The following PTPRT variants were observed in gnomAD, a reference collection of about 807,000 sequenced individuals.
PTPRT encodes receptor-type tyrosine-protein phosphatase T.
Under a neutral mutation model 176.8 loss-of-function variants are expected in PTPRT, and 56 were observed. That is an observed-to-expected ratio of 0.32 (90% CI 0.26 to 0.40). The LOEUF is 0.40. PTPRT is among the 10% of genes least tolerant of loss of function. The pLI is 1.00. For synonymous variants in PTPRT, 783 were observed against 739.0 expected, an observed-to-expected ratio of 1.06 and a Z score of -0.96; for missense variants, 1,540 against 1,908.2, an observed-to-expected ratio of 0.81 and a Z score of 3.60.
chr20:42,273,857 T>C (rs565285263), intron 13 of PTPRT, among the ~76,000 whole-genome samples: 30 of 152,236 alleles, frequency 2.0e-4, no homozygotes, highest in African/African-American at 3.4e-4. Flanking sequence ...GTTAAAGCCT[T>C]AGTTGGGTTG....
At chr20:42,763,463 TA>T (rs574383259) in intron 5 of PTPRT, among the ~76,000 whole-genome samples, 8 of 150,878 alleles carry the variant, frequency 5.3e-5, no homozygotes, top group South Asian at 2.1e-4. Context: ...ATCAAAATAA[TA>T]AAAAAAAATG....
intron 6 of PTPRT, among the ~76,000 whole-genome samples, chr20:42,736,761 G>A (rs2076546924): frequency 6.6e-6 from 1 of 152,186 alleles, no homozygotes; most frequent in African/African-American, 2.4e-5. Context: ...GGCAGGGGAA[G>A]GGGGCAGGCT....
intron 2 of PTPRT, among the ~76,000 whole-genome samples, chr20:42,859,586 A>ATTTTT (rs374358348): frequency 4.7e-5 from 6 of 127,660 alleles, no homozygotes; most frequent in African/African-American, 1.8e-4. Context: ...TTTTTTTTTA[A>ATTTTT]TTTTTTTTTT....
chr20:42,940,517 G>GAAGT (rs1980472782), intron 1 of PTPRT, among the ~76,000 whole-genome samples: 1 of 152,206 alleles, frequency 6.6e-6, no homozygotes, highest in Admixed American at 6.5e-5. Context: ...AATCAGAGAT[G>GAAGT]AAGTTGAAGA....
intron 6 of PTPRT, among the ~76,000 whole-genome samples, chr20:42,701,913 C>G (rs1012378458): frequency 6.6e-6 from 1 of 152,086 alleles, no homozygotes; most frequent in African/African-American, 2.4e-5. Context: ...TTTACAGATA[C>G]GAGCACTGAG....
intron 1 of PTPRT, among the ~76,000 whole-genome samples, chr20:43,182,917 C>T (rs991817605): frequency 6.6e-6 from 1 of 152,194 alleles, no homozygotes; most frequent in Non-Finnish European, 1.5e-5. Context: ...TAAATCTCTA[C>T]ATCCTTAGCT....
At chr20:42,346,464 C>G (rs1428762467) in intron 11 of PTPRT, among the ~76,000 whole-genome samples, 2 of 152,180 alleles carry the variant, frequency 1.3e-5, no homozygotes, top group African/African-American at 2.4e-5. Flanking sequence ...ATCTTTTAAG[C>G]AATTCTGGGA....
At chr20:42,916,947 C>T (rs1287353026) in intron 1 of PTPRT, among the ~76,000 whole-genome samples, 36 of 152,304 alleles carry the variant, frequency 2.4e-4, no homozygotes, top group Admixed American at 1.3e-4. Context: ...TTTTGCTGTG[C>T]AGAAGCTCTT....
chr20:42,313,641 A>C (rs1600820636), intron 12 of PTPRT, among the ~76,000 whole-genome samples: 1 of 152,338 alleles, frequency 6.6e-6, no homozygotes, highest in East Asian at 1.9e-4. Context: ...TGCCAAGAGC[A>C]GGGAAAGCCA....
At chr20:42,111,803 A>G (rs1467303156) in intron 22 of PTPRT, among the ~76,000 whole-genome samples, 3 of 152,218 alleles carry the variant, frequency 2.0e-5, no homozygotes, top group Non-Finnish European at 2.9e-5. Context: ...GTCTGTCTCC[A>G]CAGTCTGCAC....
At chr20:42,993,603 C>T (rs1269496945) in intron 1 of PTPRT, among the ~76,000 whole-genome samples, 2 of 140,682 alleles carry the variant, frequency 1.4e-5, no homozygotes, top group East Asian at 4.0e-4. Context: ...AACTAAAACT[C>T]ATTTGGGCCT....
intron 1 of PTPRT, among the ~76,000 whole-genome samples, chr20:43,141,494 G>A (rs1450850649): frequency 6.6e-6 from 1 of 152,174 alleles, no homozygotes; most frequent in African/African-American, 2.4e-5. Flanking sequence ...GGAATAGCAA[G>A]TAAACAAGCC....
At chr20:42,307,592 G>A (rs947339900) in intron 12 of PTPRT, among the ~76,000 whole-genome samples, 5 of 151,998 alleles carry the variant, frequency 3.3e-5, no homozygotes, top group Non-Finnish European at 4.4e-5. Context: ...AAGGACATGC[G>A]AACAGTCACT....
intron 6 of PTPRT, among the ~76,000 whole-genome samples, chr20:42,754,572 C>G (rs1288381703): frequency 6.6e-6 from 1 of 152,222 alleles, no homozygotes; most frequent in Admixed American, 6.5e-5. Flanking sequence ...CGTGAGCCAC[C>G]ATACCGGGCC....
intron 1 of PTPRT, among the ~76,000 whole-genome samples, chr20:43,039,400 A>C (rs1333885731): frequency 6.6e-6 from 1 of 152,002 alleles, no homozygotes; most frequent in Non-Finnish European, 1.5e-5. Flanking sequence ...TTACACCAAA[A>C]TAAGGGCCTG....
At chr20:42,154,682 C>T (rs1308797629) in intron 17 of PTPRT, among the ~76,000 whole-genome samples, 6 of 152,204 alleles carry the variant, frequency 3.9e-5, no homozygotes, top group Non-Finnish European at 8.8e-5. Context: ...TCTCTCCCAT[C>T]ACAAAGTCAC....
chr20:42,149,620 C>T (rs1989034050), intron 17 of PTPRT, among the ~76,000 whole-genome samples: 1 of 152,070 alleles, frequency 6.6e-6, no homozygotes. Flanking sequence ...GACGGGGTTT[C>T]TCCATGTTGG....
At chr20:42,434,655 T>G (rs1174716515) in intron 9 of PTPRT, among the ~76,000 whole-genome samples, 1 of 88,284 alleles carries the variant, frequency 1.1e-5, no homozygotes, top group African/African-American at 4.1e-5. Flanking sequence ...CCATCCCATC[T>G]TCATAAGAAA....
intron 9 of PTPRT, among the ~76,000 whole-genome samples, chr20:42,393,751 G>A (rs2058823279): frequency 6.6e-6 from 1 of 152,108 alleles, no homozygotes; most frequent in Non-Finnish European, 1.5e-5. Context: ...TTTAAATATT[G>A]TATCCTAACT....
Sources: gnomAD v4.1 joint callset for allele counts (sites outside exome capture counted in the v4.1 genomes callset) on GRCh38, gnomAD v4.1.1 for gene constraint, MANE v1.5 for transcripts, NCBI Gene and HGNC (gene_info 2026-07-23, HGNC 2026-07-21) for gene names.